The following DISP2 variants were observed in gnomAD, a reference collection of about 807,000 sequenced individuals.
DISP2 encodes protein dispatched homolog 2.
Under a neutral mutation model 95.5 loss-of-function variants are expected in DISP2, and 59 were observed. That is an observed-to-expected ratio of 0.62 (90% CI 0.50 to 0.77). DISP2 has a LOEUF of 0.77. DISP2 is among the 30% of genes least tolerant of loss of function. DISP2 has a pLI of 0.00. For synonymous variants in DISP2, 827 were observed against 815.0 expected (o/e 1.01, Z -0.25); for missense variants, 1,752 against 1,854.6 (o/e 0.94, Z 1.02).
chr15:40,363,464 G>C (rs73397394), intron 1 of DISP2, among the ~76,000 whole-genome samples, 161 bp from the exon 2 acceptor site: 190 of 152,238 alleles, frequency 1.2e-3, no homozygotes, highest in African/African-American at 4.5e-3. Context: ...CGCAGACTTC[G>C]AGCCCCTGGC....
Position 40,363,634 on chromosome 15 carries a change from C to A in DISP2, c.129C>A (p.Thr43=). 1.3e-6 allele frequency: 2 copies of A among 1,541,502 alleles called. No individual in the cohort carries two copies. Among genetic ancestry groups the A allele is most frequent in the South Asian group, 1.3e-5 (1 of 79,202 alleles). ...TCTCCTCTCTTCCTAGCACCCAGAC[C>A]AAGGCTGTGCCCCCTGAGGCAAGCC... ...PDGGSPDSTQ[T]KAVPPEASPE... is the part of the protein sequence containing the mutation. Residue 43 remains threonine, a synonymous_variant, in exon 2 of 8, where the codon ACC becomes ACA. Coordinates refer to ENST00000267889, the MANE Select transcript of DISP2 (RefSeq NM_033510.3).
At position 40,369,176 on chromosome 15, in the gene DISP2, C is replaced by T; in HGVS notation, c.3064C>T (p.Leu1022Phe). Residue 1022 changes from leucine to phenylalanine, a missense_variant, in exon 8 of 8, where the codon CTC (leucine) becomes TTC (phenylalanine). Coordinates refer to ENST00000267889, the MANE Select transcript of DISP2 (RefSeq NM_033510.3). ...GCTCAACACTGCCGAGGCCCTGTTT[C>T]TCTCTGCCTCAGTGGGCCTCTCAGT... ...WQLNTAEALF[L>F]SASVGLSVDF... is the part of the protein sequence containing the mutation. 6.2e-7 allele frequency: 1 copy of T among 1,613,936 alleles called. No individual in the cohort carries two copies. The highest frequency in any genetic ancestry group is 8.5e-7 in the Non-Finnish European group (1 of 1,180,034).
Position 40,370,338 on chromosome 15 carries a change from G to C in DISP2, c.*20G>C. The C allele has an allele frequency of 6.6e-7, 1 of 1,517,468 alleles. No homozygotes were observed. Among genetic ancestry groups the C allele is most frequent in the East Asian group, 2.3e-5 (1 of 43,982 alleles). The allele number at this position is 1,517,468 out of a possible 1,614,324, so 94.0% of individuals were successfully genotyped here. On this transcript the variant is annotated 3_prime_UTR_variant, in exon 8 of 8. Coordinates refer to ENST00000267889, the MANE Select transcript of DISP2 (RefSeq NM_033510.3). ...AGCTGAGGGGGACCCGGGGAGGCTGGACAGGGCGCGGAACCCTGTCATGGA... is the reference window on the plus strand; with the variant it reads ...AGCTGAGGGGGACCCGGGGAGGCTGCACAGGGCGCGGAACCCTGTCATGGA...
chr15:40,366,029 G>A (rs776758871), intron 7 of DISP2, among the ~76,000 whole-genome samples: 2 of 152,254 alleles, frequency 1.3e-5, no homozygotes, highest in Non-Finnish European at 2.9e-5. Flanking sequence ...CCAGGGAGCT[G>A]AGACTGTGGG....
At position 40,363,147 on chromosome 15, in the gene DISP2, CA is replaced by C. The variant is rs5812160; in HGVS notation, c.120-463del. On this transcript the variant is annotated intron_variant, in intron 1 of 7. Transcript: ENST00000267889. ...TGAAACCCCGTCTCTACTGAAAATACAAAAAAAAAAAAAAATTAGCGAGTCG... is the reference window on the plus strand; with the variant it reads ...TGAAACCCCGTCTCTACTGAAAATACAAAAAAAAAAAAAATTAGCGAGTCG... Among the ~76,000 whole-genome samples, 633 of 134,686 alleles carry C rather than the reference CA, an allele frequency of 4.7e-3. 1 individual carries two copies. The highest frequency in any genetic ancestry group is 0.011 in the African/African-American group (391 of 36,644). 88.4% of individuals were successfully genotyped at this position (134,686 alleles called of 152,430 possible).
At chr15:40,364,347 C>T (rs1889459257) in intron 3 of DISP2, 74 bp from the exon 4 acceptor site, 7 of 1,613,486 alleles carry the variant, frequency 4.3e-6, no homozygotes, top group Non-Finnish European at 5.9e-6. Context: ...TCTAGCACCC[C>T]TTCTGGGTGG....
Position 40,363,606 on chromosome 15 carries a change from TTG to T in DISP2, c.120-17_120-16del. On this transcript the variant is annotated splice_polypyrimidine_tract_variant and intron_variant, in intron 1 of 7. Coordinates refer to ENST00000267889, the MANE Select transcript of DISP2 (RefSeq NM_033510.3). ...CCACCATCCCCCACCCCAATCTTCC[TTG>T]TCTCCTCTCTTCCTAGCACCCAGAC... 2 of 1,501,776 alleles carry T rather than the reference TTG, an allele frequency of 1.3e-6. No individual in the cohort carries two copies. The highest frequency in any genetic ancestry group is 2.7e-5 in the South Asian group (2 of 73,516). 93.0% of individuals were successfully genotyped at this position (1,501,776 alleles called of 1,614,324 possible).
chr15:40,369,598 A>G lies in DISP2; in HGVS notation c.3486A>G (p.Gln1162=). Residue 1162 remains glutamine, a synonymous_variant, in exon 8 of 8, where the codon CAA becomes CAG. Transcript: ENST00000267889. ...GGATGCCCGGGTCCTGCTCAGAGCA[A>G]TATGAGCTACAGCCCCTGGCACGGC... ...VGGMPGSCSE[Q]YELQPLARRR... is the part of the protein sequence containing the mutation. The G allele has an allele frequency of 1.2e-6, 2 of 1,611,684 alleles. No individual in the cohort carries two copies. The highest frequency in any genetic ancestry group is 1.3e-5 in the African/African-American group (1 of 75,032).
chr15:40,361,912 G>A (rs1193957232), intron 1 of DISP2, among the ~76,000 whole-genome samples: 3 of 152,178 alleles, frequency 2.0e-5, no homozygotes, highest in Admixed American at 2.0e-4. Context: ...AAGAAGACAG[G>A]GCTCTGCAAG....
chr15:40,359,960 G>C (rs1889380831), intron 1 of DISP2, among the ~76,000 whole-genome samples: 1 of 152,232 alleles, frequency 6.6e-6, no homozygotes, highest in East Asian at 1.9e-4. Flanking sequence ...TTCCCCATCT[G>C]TCCTGGCCAC....
intron 1 of DISP2, among the ~76,000 whole-genome samples, chr15:40,359,417 C>T (rs1371289017): frequency 1.3e-5 from 2 of 152,194 alleles, no homozygotes; most frequent in Non-Finnish European, 2.9e-5. Flanking sequence ...AACACATTAG[C>T]CTGGATAGAT....
intron 1 of DISP2, among the ~76,000 whole-genome samples, chr15:40,362,903 G>C (rs888014729): frequency 2.6e-5 from 4 of 152,216 alleles, no homozygotes; most frequent in African/African-American, 9.6e-5. Flanking sequence ...GCACAGGACT[G>C]CAAGTCGGAA....
In DISP2 at chr15:40,368,467, C is replaced by T; in HGVS notation, c.2355C>T (p.Asp785=). 1 of 1,609,034 alleles carries T rather than the reference C, an allele frequency of 6.2e-7. No individual in the cohort carries two copies. Among genetic ancestry groups the T allele is most frequent in the Non-Finnish European group, 8.5e-7 (1 of 1,179,760 alleles). The change falls in exon 8 of 8, where the codon GAC becomes GAT. Residue 785 remains aspartate (D), a synonymous_variant. Coordinates refer to ENST00000267889, the MANE Select transcript of DISP2 (RefSeq NM_033510.3). The part of the protein sequence containing the change: ...VWGVLPVDTG[D]PLDPRSNSSL... ...GCGTCCTGCCTGTGGACACTGGCGACCCTCTGGACCCTCGTAGCAACAGCA... is the reference window on the plus strand; with the variant it reads ...GCGTCCTGCCTGTGGACACTGGCGATCCTCTGGACCCTCGTAGCAACAGCA...
rs1302380311 is a variant in DISP2, at chr15:40,368,748, C to T, written c.2636C>T (p.Ala879Val). 6.2e-7 allele frequency: 1 copy of T among 1,613,634 alleles called. No homozygotes were observed. Among genetic ancestry groups the T allele is most frequent in the African/African-American group, 1.3e-5 (1 of 74,944 alleles). ...TTCCTGCACTGCCTGAAAATGATGG[C>T]TCTGGAGCAAGGCCCCGATGGCACC... Reference protein sequence around the residue: ...QFFLHCLKMMALEQGPDGTQD... With the variant: ...QFFLHCLKMMVLEQGPDGTQD... Residue 879 changes from alanine to valine, a missense_variant, in exon 8 of 8, where the codon GCT (alanine) becomes GTT (valine). Physicochemically the swap from Ala to Val is moderately conservative, Grantham distance 64. Around this residue, in one of 5 missense-constraint regions of DISP2, gnomAD observed 317 missense variants for 394.9 expected, o/e 0.80. Transcript: ENST00000267889.
In DISP2 at chr15:40,368,189, C is replaced by G. The variant is rs1889545331; in HGVS notation, c.2077C>G (p.Arg693Gly). The G allele has an allele frequency of 2.5e-6, 4 of 1,602,326 alleles. No individual in the cohort carries two copies. Among genetic ancestry groups the G allele is most frequent in the Non-Finnish European group, 2.5e-6 (3 of 1,176,774 alleles). The stretch of plus-strand genomic sequence containing the variant: ...TGGCACCTCGCGTCTGCTCTTCCAG[C>G]GCCTGCTGCCCTGCGGCGTCATCAA... The part of the protein sequence containing the change: ...AAGTSRLLFQ[R>G]LLPCGVIKFR... Residue 693 changes from arginine to glycine, a missense_variant, in exon 8 of 8, where the codon CGC becomes GGC. Transcript: ENST00000267889.
At chr15:40,359,599 G>A (rs1473216185) in intron 1 of DISP2, among the ~76,000 whole-genome samples, 1 of 152,212 alleles carries the variant, frequency 6.6e-6, no homozygotes, top group Non-Finnish European at 1.5e-5. Context: ...GGGCAGGAGA[G>A]TCATTTGCTG....
chr15:40,364,027 C>T (rs905504867), intron 2 of DISP2, 73 bp downstream of exon 2: 25 of 1,495,682 alleles, frequency 1.7e-5, no homozygotes, highest in African/African-American at 1.3e-4. Flanking sequence ...GGCAGACTGC[C>T]GGGGCTCTAG....
rs1399679413 is a variant in DISP2 at position 40,374,117 on chromosome 15, G to A, written c.*3799G>A. 6.6e-6 allele frequency: 1 copy of A among 150,642 alleles called. No individual in the cohort carries two copies. Among genetic ancestry groups the A allele is most frequent in the Non-Finnish European group, 1.5e-5 (1 of 67,764 alleles). The allele number at this position is 150,642 out of a possible 1,614,324, so 9.3% of individuals were successfully genotyped here. ...GGGGACTTTTAGAGTGACAGTGTTA[G>A]ACAGACTGATTTTATTGGCTGAATC... On this transcript the variant is annotated 3_prime_UTR_variant, in exon 8 of 8. Transcript: ENST00000267889.
chr15:40,368,160 C>G lies in DISP2; in HGVS notation c.2048C>G (p.Ala683Gly). 6.5e-7 allele frequency: 1 copy of G among 1,542,268 alleles called. No individual in the cohort carries two copies. The highest frequency in any genetic ancestry group is 8.7e-7 in the Non-Finnish European group (1 of 1,152,674). Residue 683 changes from alanine to glycine, a missense_variant, in exon 8 of 8, where the codon GCG becomes GGG. Ala to Gly is a moderately conservative substitution (Grantham distance 60, BLOSUM62 0). Coordinates refer to ENST00000267889, the MANE Select transcript of DISP2 (RefSeq NM_033510.3). ...CGGCTCCGCGGCCTGCGGAGGGCGG[C>G]GGCTGGCACCTCGCGTCTGCTCTTC... ...HRRLRGLRRA[A>G]AGTSRLLFQR... is the part of the protein sequence containing the mutation.
Sources: gnomAD v4.1 joint callset for allele counts (sites outside exome capture counted in the v4.1 genomes callset) on GRCh38, gnomAD v4.1.1 for gene constraint, gnomAD v4.1.1 regional missense constraint, MANE v1.5 for transcripts, NCBI Gene and HGNC (gene_info 2026-07-23, HGNC 2026-07-21) for gene names.